SPECC1: variants seen among roughly 807,000 people sequenced by gnomAD.
The protein encoded by SPECC1 is cytospin-B.
A neutral mutation model predicts 104.1 loss-of-function variants in SPECC1; 62 were observed. The observed-to-expected ratio is 0.60, with a 90% confidence interval of 0.49 to 0.74. The LOEUF (loss-of-function observed/expected upper bound fraction) is 0.74. Among genes scored for constraint, SPECC1 ranks in the 30% least tolerant of loss-of-function variants. The pLI is 0.00. For synonymous variants in SPECC1, 513 were observed against 501.6 expected (o/e 1.02, Z -0.30); for missense variants, 1,306 against 1,310.5 (o/e 1.00, Z 0.05).
In SPECC1 at chr17:20,098,162, A is replaced by G. The variant is rs570397452; in HGVS notation, c.147+1364A>G. Among the ~76,000 whole-genome samples the G allele has an allele frequency of 5.5e-4, 84 of 151,986 alleles. 1 individual carries two copies. Among genetic ancestry groups the G allele is most frequent in the Admixed American group, 5.3e-3 (81 of 15,268 alleles). ...GTAACATGTCCAAAACCGAATCTCA[A>G]TGCCTTCCTCTCCATCTCTCTCACC... On this transcript the variant is annotated intron_variant, in intron 2 of 14. Coordinates refer to ENST00000395527, the MANE Select transcript of SPECC1 (RefSeq NM_001243439.2).
rs1208079269 is a variant in SPECC1 at position 20,315,420 on chromosome 17, C to T, written c.*1355C>T. 1.7e-5 allele frequency: 4 copies of T among 232,702 alleles called. No individual in the cohort carries two copies. Among genetic ancestry groups the T allele is most frequent in the South Asian group, 1.8e-4 (1 of 5,518 alleles). The allele number at this position is 232,702 out of a possible 1,614,324, so 14.4% of individuals were successfully genotyped here. A position where few individuals can be genotyped will look rare whatever the true frequency, so the allele number is the denominator to read the frequency against. ...CCGAGTGCCCATCTGGTGGCTCTGC[C>T]GTGTTCTTCTGGGCGGATCTGTGTG... is the stretch of plus-strand genomic sequence containing the variant. On this transcript the variant is annotated 3_prime_UTR_variant, in exon 15 of 15. Coordinates refer to ENST00000395527, the MANE Select transcript of SPECC1 (RefSeq NM_001243439.2).
chr17:20,267,644 G>A (rs1014347067), intron 12 of SPECC1, among the ~76,000 whole-genome samples: 2 of 152,146 alleles, frequency 1.3e-5, no homozygotes, highest in African/African-American at 2.4e-5. Context: ...GAGGGGGCAC[G>A]TGAGAAGGAG....
chr17:20,249,952 T>C (rs1377440614), intron 9 of SPECC1, among the ~76,000 whole-genome samples: 2 of 151,726 alleles, frequency 1.3e-5, no homozygotes, highest in Non-Finnish European at 1.5e-5. Flanking sequence ...CAAGAAACAA[T>C]AAGAACCCCA....
chr17:20,128,546 A>G (rs958817906), intron 3 of SPECC1, among the ~76,000 whole-genome samples: 1 of 152,176 alleles, frequency 6.6e-6, no homozygotes, highest in African/African-American at 2.4e-5. Flanking sequence ...TTTATTCACA[A>G]TATTCTGATA....
At chr17:20,259,623 A>G (rs536362471) in intron 11 of SPECC1, among the ~76,000 whole-genome samples, 8 of 152,194 alleles carry the variant, frequency 5.3e-5, no homozygotes, top group African/African-American at 1.7e-4. Flanking sequence ...CTCCCTTCTC[A>G]GCCTCCTGAG....
intron 1 of SPECC1, among the ~76,000 whole-genome samples, chr17:20,040,198 C>T (rs2045267958): frequency 6.6e-6 from 1 of 151,724 alleles, no homozygotes; most frequent in African/African-American, 2.4e-5. Context: ...TTTATATATA[C>T]TTACGTGTGT....
At chr17:20,028,193 GA>G (rs568541815) in intron 1 of SPECC1, among the ~76,000 whole-genome samples, 2 of 151,598 alleles carry the variant, frequency 1.3e-5, no homozygotes, top group Admixed American at 1.3e-4. Flanking sequence ...TGACCTTTTT[GA>G]AAATCATTTG....
At chr17:20,096,847 G>T (rs748325934) in intron 2 of SPECC1, 49 bp downstream of exon 2, 1 of 1,576,176 alleles carries the variant, frequency 6.3e-7, no homozygotes, top group South Asian at 1.2e-5. Context: ...GATACCCTGG[G>T]TTGGGAGGAT....
At chr17:20,095,658 T>G (rs2047611929) in intron 1 of SPECC1, 1 of 152,162 alleles carries the variant, frequency 6.6e-6, no homozygotes, top group South Asian at 2.1e-4. Flanking sequence ...CCGGGGGCAG[T>G]TAGTGAGACC....
In SPECC1 at chr17:20,110,536, C is replaced by T. The variant is rs764238558; in HGVS notation, c.257C>T (p.Thr86Met). 1.5e-5 allele frequency: 24 copies of T among 1,613,504 alleles called. No individual in the cohort carries two copies. The highest frequency in any genetic ancestry group is 8.3e-5 in the Admixed American group (5 of 59,988). ...ACTGCCGGAGCCATCTCGGAGCTCACGGAGAGCCGCCTGAGGAGCGGCACA... is the reference window on the plus strand; with the variant it reads ...ACTGCCGGAGCCATCTCGGAGCTCATGGAGAGCCGCCTGAGGAGCGGCACA... Reference protein sequence around the residue: ...TATAGAISELTESRLRSGTGA... With the variant: ...TATAGAISELMESRLRSGTGA... Residue 86 changes from threonine (T) to methionine (M), a missense_variant, in exon 3 of 15, where the codon ACG becomes ATG. By Grantham distance (81) the Thr-to-Met change is moderately conservative. Around this residue, in one of 2 missense-constraint regions of SPECC1, gnomAD observed 1,177 missense variants for 1,139.9 expected, o/e 1.03. Coordinates refer to ENST00000395527, the MANE Select transcript of SPECC1 (RefSeq NM_001243439.2).
chr17:20,055,367 G>T (rs1232931181), intron 1 of SPECC1, among the ~76,000 whole-genome samples: 1 of 151,696 alleles, frequency 6.6e-6, no homozygotes, highest in Admixed American at 6.6e-5. Flanking sequence ...CCACATCTTG[G>T]TTTTACTCTT....
At chr17:20,156,957 G>A (rs542006730) in intron 3 of SPECC1, among the ~76,000 whole-genome samples, 106 of 152,288 alleles carry the variant, frequency 7.0e-4, no homozygotes, top group Non-Finnish European at 1.1e-3. Flanking sequence ...TAGGAAAGAG[G>A]TGGTTGACCT....
intron 3 of SPECC1, among the ~76,000 whole-genome samples, chr17:20,168,441 C>G (rs1006976107): frequency 6.6e-6 from 1 of 152,086 alleles, no homozygotes; most frequent in Non-Finnish European, 1.5e-5. Flanking sequence ...TTGGAATAGT[C>G]TGGATCTTTT....
chr17:20,125,096 C>T (rs1361931095), intron 3 of SPECC1, among the ~76,000 whole-genome samples: 5 of 152,144 alleles, frequency 3.3e-5, no homozygotes, highest in African/African-American at 1.2e-4. Context: ...AGGAGAATGG[C>T]GTGAACCCGG....
intron 3 of SPECC1, among the ~76,000 whole-genome samples, chr17:20,115,427 C>T (rs866525114): frequency 5.9e-5 from 9 of 151,920 alleles, no homozygotes; most frequent in East Asian, 1.9e-4. Flanking sequence ...GAGCCGAGAT[C>T]GTGCAACTAC....
chr17:20,108,295 T>C (rs988071969), intron 2 of SPECC1, among the ~76,000 whole-genome samples: 4 of 151,896 alleles, frequency 2.6e-5, no homozygotes, highest in African/African-American at 9.7e-5. Context: ...TTGCCTAAAT[T>C]GCAAACTTCC....
intron 1 of SPECC1, among the ~76,000 whole-genome samples, chr17:20,092,660 T>C (rs891767954): frequency 6.6e-5 from 10 of 152,212 alleles, no homozygotes; most frequent in Non-Finnish European, 1.0e-4. Flanking sequence ...AGAGCAGCGC[T>C]CCGTTGAACA....
At position 20,213,248 on chromosome 17, in the gene SPECC1, A is replaced by ATTC. The variant is rs528883753; in HGVS notation, c.1863+7336_1863+7337insTTC. ...AAGTAGCTGGAATTACAGGTGTGCA[A>ATTC]CACTATGCCCAATTTTTTATTTTTA... On this transcript the variant is annotated intron_variant, in intron 4 of 14. Coordinates refer to ENST00000395527, the MANE Select transcript of SPECC1 (RefSeq NM_001243439.2). 4.6e-5 allele frequency among the ~76,000 whole-genome samples: 7 copies of ATTC among 152,140 alleles called. No individual in the cohort carries two copies. In the East Asian group the frequency reaches 9.7e-4, roughly 21 times the overall value.
chr17:20,107,161 A>G (rs1246284599), intron 2 of SPECC1, among the ~76,000 whole-genome samples: 6 of 149,000 alleles, frequency 4.0e-5, no homozygotes, highest in Admixed American at 6.7e-5. Context: ...AAAAAAAAAA[A>G]AAAAAAAAGA....
Sources: allele counts gnomAD v4.1 joint callset (sites outside exome capture counted in the v4.1 genomes callset), GRCh38; gene constraint gnomAD v4.1.1; regional missense constraint gnomAD v4.1.1; transcripts MANE v1.5; gene names NCBI Gene and HGNC (gene_info 2026-07-23, HGNC 2026-07-21).